Variants in ANKAR observed in about 807,000 individuals in gnomAD.
ANKAR encodes ankyrin and armadillo repeat containing, also known as ankyrin and armadillo repeat-containing protein.
A neutral mutation model predicts 146.2 loss-of-function variants in ANKAR; 136 were observed. The observed-to-expected ratio is 0.93, with a 90% CI of 0.81 to 1.07. ANKAR has a LOEUF of 1.07. ANKAR is among the 50% of genes least tolerant of loss of function. ANKAR has a pLI of 0.00. For missense variants in ANKAR, 1,567 were observed against 1,679.9 expected (o/e 0.93, Z 1.18); for synonymous variants, 500 against 575.8 (o/e 0.87, Z 1.88).
chr2:189,748,794 G>T (rs1215130109), downstream of ANKAR, among the ~76,000 whole-genome samples: 1 of 152,166 alleles, frequency 6.6e-6, no homozygotes, highest in African/African-American at 2.4e-5. Context: ...TCTGAAACTG[G>T]TTTCAGGTAG....
intron 12 of ANKAR, among the ~76,000 whole-genome samples, chr2:189,724,669 G>A (rs1559122247): frequency 6.6e-6 from 1 of 152,022 alleles, no homozygotes; most frequent in South Asian, 2.1e-4. Flanking sequence ...GACATAAATT[G>A]ATATAAAGTG....
intron 8 of ANKAR, 126 bp from the exon 9 acceptor site, chr2:189,706,812 G>T: frequency 1.5e-6 from 1 of 658,952 alleles, no homozygotes. Context: ...TACGGAAGAT[G>T]AGAATTCCTA....
At chr2:189,748,952 G>A (rs2044614426), downstream of ANKAR, among the ~76,000 whole-genome samples, 1 of 151,942 alleles carries the variant, frequency 6.6e-6, no homozygotes, top group South Asian at 2.1e-4. Context: ...CCCCTATAAA[G>A]ATTATTTTTA....
chr2:189,722,918 A>C (rs1225079), intron 12 of ANKAR, among the ~76,000 whole-genome samples: 148,818 of 151,624 alleles, frequency 0.98, 73,095 homozygotes, highest in South Asian at 1. Context: ...AGTATGAAAT[A>C]AATTATTGAA....
downstream of ANKAR, among the ~76,000 whole-genome samples, chr2:189,747,977 C>T (rs11685425): frequency 0.59 from 89,936 of 152,068 alleles, 30,140 homozygotes; most frequent in South Asian, 0.76. Context: ...TGAGCCACTG[C>T]GCCTGGCTTC....
At chr2:189,694,061 C>G (rs73048437) in intron 5 of ANKAR, among the ~76,000 whole-genome samples, 5,159 of 151,848 alleles carry the variant, frequency 0.034, 302 homozygotes, top group African/African-American at 0.12. Flanking sequence ...AAGACCCTAT[C>G]TCTACAAAAA....
rs753020665 is a variant in ANKAR at position 189,728,312 on chromosome 2, G to T, written c.2923G>T (p.Ala975Ser). 5 of 1,612,976 alleles carry T rather than the reference G, an allele frequency of 3.1e-6. No homozygotes were observed. Among genetic ancestry groups the T allele is most frequent in the Non-Finnish European group, 4.2e-6 (5 of 1,179,696 alleles). ...GGAACAAGGAGCTGTTGCACTTTGG[G>T]CCTTGGCAGGACAAACACTAAAACA... ...VKEQGAVALW[A>S]LAGQTLKQQK... The change falls in exon 14 of 23, where the codon GCC becomes TCC. Residue 975 changes from alanine (A) to serine (S), a missense_variant. Physicochemically the swap from Ala to Ser is moderately conservative, Grantham distance 99. Coordinates refer to ENST00000684021, the MANE Select transcript of ANKAR (RefSeq NM_001378068.1).
chr2:189,689,558 T>A lies in ANKAR; in HGVS notation c.633T>A (p.Phe211Leu). 6.2e-7 allele frequency: 1 copy of A among 1,601,796 alleles called. No individual in the cohort carries two copies. Residue 211 changes from phenylalanine (F) to leucine (L), a missense_variant, in exon 3 of 23, where the codon TTT becomes TTA. Phe to Leu is a conservative substitution (Grantham distance 22). Coordinates refer to ENST00000684021, the MANE Select transcript of ANKAR (RefSeq NM_001378068.1). ...GLTDITKDPDFNEIYDEDVNE... is the reference protein window; with the variant it reads ...GLTDITKDPDLNEIYDEDVNE... ...CTGATATTACAAAGGATCCAGACTT[T>A]AATGAAATCTATGATGAAGACGTGA...
intron 12 of ANKAR, among the ~76,000 whole-genome samples, chr2:189,724,231 T>G (rs1026144918): frequency 9.2e-5 from 14 of 152,202 alleles, no homozygotes; most frequent in Non-Finnish European, 2.1e-4. Context: ...CACACTCTCT[T>G]AATTTTATTA....
chr2:189,755,646 G>T, intron 18 of ANKAR: 5 of 1,402,356 alleles, frequency 3.6e-6, no homozygotes, highest in Non-Finnish European at 3.8e-6. Flanking sequence ...ATGTCTTCAA[G>T]TTAATCATTA....
intron 7 of ANKAR, among the ~76,000 whole-genome samples, chr2:189,700,551 A>C (rs1051299637): frequency 2.0e-5 from 3 of 152,210 alleles, no homozygotes; most frequent in African/African-American, 7.2e-5. Flanking sequence ...CATATAATCC[A>C]GTTATACTCT....
Sources: gnomAD v4.1 joint callset for allele counts (sites outside exome capture counted in the v4.1 genomes callset) on GRCh38, gnomAD v4.1.1 for gene constraint, MANE v1.5 for transcripts, NCBI Gene and HGNC (gene_info 2026-07-23, HGNC 2026-07-21) for gene names.